MAGI1: variants seen among roughly 807,000 people sequenced by gnomAD.
The protein encoded by MAGI1 is membrane-associated guanylate kinase, WW and PDZ domain-containing protein 1.
MAGI1 carries 58 observed loss-of-function variants against 139.9 expected under a neutral mutation model. The ratio of observed to expected loss-of-function variants is 0.41; its 90% CI spans 0.34 to 0.52. MAGI1 has a LOEUF of 0.52. MAGI1 is among the 20% of genes least tolerant of loss of function. The pLI, the probability that MAGI1 is intolerant of heterozygous loss-of-function variation, is 0.12. For synonymous variants in MAGI1, 812 were observed against 737.9 expected, an observed-to-expected ratio of 1.10 and a Z score of -1.63; for missense variants, 1,874 against 1,901.6, an observed-to-expected ratio of 0.99 and a Z score of 0.27.
chr3:65,912,639 C>T (rs1469652843), intron 1 of MAGI1, among the ~76,000 whole-genome samples: 1 of 152,138 alleles, frequency 6.6e-6, no homozygotes, highest in African/African-American at 2.4e-5. Flanking sequence ...AGACCCTGAC[C>T]AAGTGACTTA....
At chr3:65,796,066 A>AAAAAG (rs1208375872) in intron 1 of MAGI1, among the ~76,000 whole-genome samples, 45 of 143,514 alleles carry the variant, frequency 3.1e-4, no homozygotes, top group African/African-American at 7.5e-4. Context: ...AAAAAAAAAA[A>AAAAAG]AAAAGAAAAG....
Position 65,943,284 on chromosome 3 carries a change from A to G in MAGI1, c.313+94712T>C, listed in dbSNP as rs1465769304. 2.0e-5 allele frequency among the ~76,000 whole-genome samples: 3 copies of G among 152,202 alleles called. No individual in the cohort carries two copies. In the East Asian group the frequency reaches 5.8e-4, roughly 30 times the overall value. On this transcript the variant is annotated intron_variant, in intron 1 of 22. Transcript: ENST00000402939. Reference sequence around the variant, plus strand: ...TCACTCATGCCCTAGAAAAAAGAAAATCATCTCAGGGCCAGGCACAGTGGC... The same window carrying G: ...TCACTCATGCCCTAGAAAAAAGAAAGTCATCTCAGGGCCAGGCACAGTGGC...
chr3:65,785,338 C>T (rs6808472), intron 1 of MAGI1, among the ~76,000 whole-genome samples: 5,278 of 152,216 alleles, frequency 0.035, 327 homozygotes, highest in African/African-American at 0.12. Context: ...TCATTCTTCC[C>T]CCTTTTCTTG....
intron 1 of MAGI1, among the ~76,000 whole-genome samples, chr3:65,808,277 G>A (rs934343214): frequency 2.0e-5 from 3 of 152,188 alleles, no homozygotes; most frequent in African/African-American, 4.8e-5. Context: ...GAGACATGGC[G>A]CCCAGCTGAG....
At chr3:65,936,889 G>A (rs2063079229) in intron 1 of MAGI1, among the ~76,000 whole-genome samples, 1 of 151,644 alleles carries the variant, frequency 6.6e-6, no homozygotes, top group Non-Finnish European at 1.5e-5. Context: ...GCGCCACTGA[G>A]CTCAGGTTCA....
chr3:65,932,411 G>C (rs1192305256), intron 1 of MAGI1, among the ~76,000 whole-genome samples: 1 of 152,140 alleles, frequency 6.6e-6, no homozygotes, highest in African/African-American at 2.4e-5. Flanking sequence ...TTCTAAAACT[G>C]CTCTCTCCCA....
At chr3:65,735,224 T>A (rs1047320242) in intron 1 of MAGI1, among the ~76,000 whole-genome samples, 3 of 152,314 alleles carry the variant, frequency 2.0e-5, no homozygotes, top group Middle Eastern at 3.4e-3. Context: ...GTAGACTGCT[T>A]TAAAATTTCA....
chr3:65,959,515 T>G (rs189076047), intron 1 of MAGI1, among the ~76,000 whole-genome samples: 6 of 151,720 alleles, frequency 4.0e-5, no homozygotes, highest in African/African-American at 1.2e-4. Context: ...TAGCTCAGTG[T>G]AGCCTCTACT....
chr3:65,380,656 C>T (rs955909966), intron 16 of MAGI1: 4 of 152,126 alleles, frequency 2.6e-5, no homozygotes, highest in Non-Finnish European at 5.9e-5. Context: ...AGATTTGACA[C>T]GCCTTTTACA....
At chr3:65,741,893 A>G (rs1384739803) in intron 1 of MAGI1, among the ~76,000 whole-genome samples, 1 of 152,156 alleles carries the variant, frequency 6.6e-6, no homozygotes, top group East Asian at 1.9e-4. Flanking sequence ...ACCAATTTTA[A>G]TCACCCATTC....
rs1258671387 is a variant in MAGI1, at chr3:65,512,865, T to A, written c.431-19234A>T. ...AGAGACACAGCCAAAAAAGAGAATT[T>A]TAGACCAATATCCTTGATGAACATT... On this transcript the variant is annotated intron_variant, in intron 2 of 22. Coordinates refer to ENST00000402939, the MANE Select transcript of MAGI1 (RefSeq NM_001033057.2). Among the ~76,000 whole-genome samples, 3 of 151,654 alleles carry A rather than the reference T, an allele frequency of 2.0e-5. No individual in the cohort carries two copies. In the East Asian group the frequency reaches 5.8e-4, roughly 29 times the overall value.
intron 1 of MAGI1, among the ~76,000 whole-genome samples, chr3:65,810,372 A>G (rs1009370613): frequency 6.6e-6 from 1 of 152,252 alleles, no homozygotes; most frequent in African/African-American, 2.4e-5. Flanking sequence ...ATGTGGCAGT[A>G]ATGCCTCTAC....
intron 1 of MAGI1, among the ~76,000 whole-genome samples, chr3:65,653,388 T>G (rs545042666): frequency 4.6e-5 from 7 of 152,300 alleles, no homozygotes; most frequent in East Asian, 1.9e-4. Context: ...TCTGATTGCC[T>G]TTCTCCAGTT....
intron 1 of MAGI1, among the ~76,000 whole-genome samples, chr3:65,880,113 A>G (rs2060265704): frequency 6.6e-6 from 1 of 152,130 alleles, no homozygotes; most frequent in Admixed American, 6.5e-5. Context: ...ATGGTGGCAC[A>G]CACCTGTAGT....
intron 1 of MAGI1, among the ~76,000 whole-genome samples, chr3:65,970,071 G>A (rs2064948435): frequency 6.6e-6 from 1 of 152,164 alleles, no homozygotes; most frequent in African/African-American, 2.4e-5. Flanking sequence ...TGAGAAAGGA[G>A]CAGAAACAGA....
intron 1 of MAGI1, among the ~76,000 whole-genome samples, chr3:65,908,804 T>TTATC (rs1400494058): frequency 1.3e-5 from 2 of 152,160 alleles, no homozygotes; most frequent in Non-Finnish European, 1.5e-5. Context: ...CCAGCATGCC[T>TTATC]TATCATTAGA....
In MAGI1 at chr3:65,638,640, C is replaced by T. The variant is rs553593518; in HGVS notation, c.314-16552G>A. Among the ~76,000 whole-genome samples the T allele has an allele frequency of 3.5e-4, 42 of 120,052 alleles. 1 individual carries two copies. The highest frequency in any genetic ancestry group is 1.3e-3 in the African/African-American group (42 of 32,114). 78.8% of individuals were successfully genotyped at this position (120,052 alleles called of 152,430 possible). ...TTTTTTTTTTTTTCAGACAGAGTCT[C>T]GCTCTTTCACCCAGGCTGGAGTGCA... On this transcript the variant is annotated intron_variant, in intron 1 of 22. Transcript: ENST00000402939.
intron 7 of MAGI1, among the ~76,000 whole-genome samples, chr3:65,447,677 T>TGA (rs1948759841): frequency 6.6e-6 from 1 of 152,216 alleles, no homozygotes; most frequent in Non-Finnish European, 1.5e-5. Context: ...GAAATAAGAC[T>TGA]GAGACAGGTT....
intron 1 of MAGI1, among the ~76,000 whole-genome samples, chr3:65,643,812 C>T (rs981873378): frequency 2.6e-5 from 4 of 152,186 alleles, no homozygotes; most frequent in East Asian, 1.9e-4. Context: ...CCACCACCCA[C>T]GCCAGCAATG....
Sources: allele counts gnomAD v4.1 joint callset (sites outside exome capture counted in the v4.1 genomes callset), GRCh38; gene constraint gnomAD v4.1.1; transcripts MANE v1.5; gene names NCBI Gene and HGNC (gene_info 2026-07-23, HGNC 2026-07-21).